PLCB1: variants seen among roughly 807,000 people sequenced by gnomAD.
PLCB1 encodes the protein 1-phosphatidylinositol 4,5-bisphosphate phosphodiesterase beta-1.
PLCB1 carries 46 observed loss-of-function variants against 161.8 expected under a neutral mutation model. That is an observed-to-expected ratio of 0.28 (90% CI 0.22 to 0.36). The LOEUF (loss-of-function observed/expected upper bound fraction) is 0.36. Among genes scored for constraint, PLCB1 ranks in the 10% least tolerant of loss-of-function variants. The pLI, the probability that PLCB1 is intolerant of heterozygous loss-of-function variation, is 1.00. For synonymous variants in PLCB1, 517 were observed against 503.7 expected (o/e 1.03, Z -0.35); for missense variants, 1,016 against 1,472.5 (o/e 0.69, Z 5.07).
chr20:8,417,042 CACACACACACACAT>C (rs1294160095), intron 3 of PLCB1, among the ~76,000 whole-genome samples: 1 of 55,584 alleles, frequency 1.8e-5, no homozygotes, highest in African/African-American at 6.3e-5. Flanking sequence ...CACACACACA[CACACACACACACAT>C]ATATATATAT....
At chr20:8,735,302 CA>C (rs1305329117) in intron 19 of PLCB1, among the ~76,000 whole-genome samples, 1 of 152,126 alleles carries the variant, frequency 6.6e-6, no homozygotes, top group Non-Finnish European at 1.5e-5. Flanking sequence ...AATTATAAAA[CA>C]ATGACACAGA....
chr20:8,241,366 A>C (rs73897371), intron 2 of PLCB1, among the ~76,000 whole-genome samples: 2,992 of 151,918 alleles, frequency 0.02, 99 homozygotes, highest in African/African-American at 0.068. Flanking sequence ...GGTTAACCTC[A>C]TTTTGGGTCC....
chr20:8,795,807 G>A (rs973787889), intron 31 of PLCB1, among the ~76,000 whole-genome samples: 11 of 151,216 alleles, frequency 7.3e-5, no homozygotes, highest in South Asian at 2.1e-4. Flanking sequence ...CCCGGGAGGC[G>A]GAGGTTGCAG....
rs543507096 is a variant in PLCB1, at chr20:8,575,766, C to T, written c.247-52528C>T. On this transcript the variant is annotated intron_variant, in intron 3 of 31. Transcript: ENST00000338037. ...TCTGAAATAATCTTGATTGGATTTC[C>T]GTTTGGATTAACATCACGTAAGAGT... Among the ~76,000 whole-genome samples the T allele has an allele frequency of 1.7e-4, 26 of 152,238 alleles. 1 individual carries two copies. The South Asian group carries it at 5.0e-3, about 29-fold the overall frequency.
intron 31 of PLCB1, among the ~76,000 whole-genome samples, chr20:8,814,334 T>G (rs1984977623): frequency 6.6e-6 from 1 of 152,210 alleles, no homozygotes; most frequent in Non-Finnish European, 1.5e-5. Context: ...CTAATTTAGT[T>G]GAGAAACCTA....
chr20:8,456,839 G>T (rs1264291561), intron 3 of PLCB1, among the ~76,000 whole-genome samples: 1 of 152,194 alleles, frequency 6.6e-6, no homozygotes, highest in Non-Finnish European at 1.5e-5. Flanking sequence ...TGGCCAGAGA[G>T]CTCCCTGGGA....
chr20:8,728,784 C>T (rs1284138469), intron 17 of PLCB1, among the ~76,000 whole-genome samples: 3 of 151,968 alleles, frequency 2.0e-5, no homozygotes, highest in Non-Finnish European at 4.4e-5. Flanking sequence ...TAAGAGCATA[C>T]TTATTCTGTT....
chr20:8,287,931 C>T (rs891385119), intron 2 of PLCB1, among the ~76,000 whole-genome samples: 14 of 152,146 alleles, frequency 9.2e-5, no homozygotes, highest in African/African-American at 3.4e-4. Context: ...GTGTTGGACG[C>T]AGCCATTTTG....
intron 2 of PLCB1, among the ~76,000 whole-genome samples, chr20:8,251,407 T>C (rs1981137557): frequency 6.6e-6 from 1 of 151,854 alleles, no homozygotes; most frequent in African/African-American, 2.4e-5. Context: ...AGCTGAGGCT[T>C]GGTGCACAGA....
intron 3 of PLCB1, among the ~76,000 whole-genome samples, chr20:8,513,848 TA>T (rs1053085087): frequency 8.7e-5 from 13 of 149,562 alleles, no homozygotes; most frequent in African/African-American, 2.2e-4. Flanking sequence ...CTGTCTCTAT[TA>T]AAAAAAAAGT....
At chr20:8,460,716 T>C (rs1418876184) in intron 3 of PLCB1, among the ~76,000 whole-genome samples, 1 of 152,242 alleles carries the variant, frequency 6.6e-6, no homozygotes, top group Non-Finnish European at 1.5e-5. Flanking sequence ...TCACATATTT[T>C]ACTTGGTTGT....
intron 3 of PLCB1, among the ~76,000 whole-genome samples, chr20:8,399,362 T>A (rs1978444633): frequency 2.0e-5 from 3 of 152,204 alleles, no homozygotes; most frequent in Admixed American, 2.0e-4. Context: ...TTTGTACTAC[T>A]TATCAAAAAG....
Position 8,450,079 on chromosome 20 carries a change from T to C in PLCB1, c.246+78629T>C, listed in dbSNP as rs556327727. ...GAGAAATCTCTACCACACATTAGCATGACCCCGTTGAAGTCTTCAGAAAGC... is the reference window on the plus strand; with the variant it reads ...GAGAAATCTCTACCACACATTAGCACGACCCCGTTGAAGTCTTCAGAAAGC... On this transcript the variant is annotated intron_variant, in intron 3 of 31. Coordinates refer to ENST00000338037, the MANE Select transcript of PLCB1 (RefSeq NM_015192.4). Among the ~76,000 whole-genome samples the C allele has an allele frequency of 2.4e-3, 369 of 152,336 alleles. 3 individuals carry two copies. Among genetic ancestry groups the C allele is most frequent in the Non-Finnish European group, 3.6e-3 (243 of 68,024 alleles).
At chr20:8,507,167 G>A (rs922428285) in intron 3 of PLCB1, among the ~76,000 whole-genome samples, 1 of 152,150 alleles carries the variant, frequency 6.6e-6, no homozygotes, top group Non-Finnish European at 1.5e-5. Context: ...AGTGGAAGTG[G>A]ATCATCATAA....
intron 2 of PLCB1, among the ~76,000 whole-genome samples, chr20:8,176,655 G>A (rs1186171865): frequency 1.3e-5 from 2 of 152,044 alleles, no homozygotes; most frequent in Admixed American, 1.3e-4. Context: ...CAAGTCAAAC[G>A]GGGGAAATCT....
chr20:8,162,166 G>A (rs1011718946), intron 2 of PLCB1, among the ~76,000 whole-genome samples: 4 of 152,074 alleles, frequency 2.6e-5, no homozygotes, highest in Non-Finnish European at 5.9e-5. Context: ...ACAGGTATTA[G>A]CTGTTTGTTT....
chr20:8,593,943 G>C (rs1214611960), intron 3 of PLCB1, among the ~76,000 whole-genome samples: 1 of 152,054 alleles, frequency 6.6e-6, no homozygotes, highest in African/African-American at 2.4e-5. Flanking sequence ...AGAATGCAGT[G>C]GTACAAACAT....
At chr20:8,346,357 A>G (rs1412821942) in intron 2 of PLCB1, among the ~76,000 whole-genome samples, 1 of 152,170 alleles carries the variant, frequency 6.6e-6, no homozygotes, top group Non-Finnish European at 1.5e-5. Context: ...TAATTTAAAA[A>G]CTATGATTTT....
At chr20:8,645,065 A>G (rs1041990257) in intron 4 of PLCB1, among the ~76,000 whole-genome samples, 2 of 152,244 alleles carry the variant, frequency 1.3e-5, no homozygotes, top group East Asian at 1.9e-4. Context: ...ACTCAGGGTT[A>G]AATGGATTAA....
Sources: gnomAD v4.1 joint callset for allele counts (sites outside exome capture counted in the v4.1 genomes callset) on GRCh38, gnomAD v4.1.1 for gene constraint, MANE v1.5 for transcripts, NCBI Gene and HGNC (gene_info 2026-07-23, HGNC 2026-07-21) for gene names.